KALRN: variants seen among roughly 807,000 people sequenced by gnomAD.
The protein encoded by KALRN is kalirin.
A neutral mutation model predicts 353.7 loss-of-function variants in KALRN; 70 were observed. The ratio of observed to expected loss-of-function variants is 0.20; its 90% CI spans 0.16 to 0.24. KALRN has a LOEUF of 0.24. Among genes scored for constraint, KALRN ranks in the 10% least tolerant of loss-of-function variants. The probability of loss-of-function intolerance (pLI) is 1.00; values close to 1 mark genes in which losing one functional copy is unlikely to be tolerated. For missense variants in KALRN, 2,791 were observed against 3,756.7 expected, an observed-to-expected ratio of 0.74 and a Z score of 6.72; for synonymous variants, 1,391 against 1,434.8, an observed-to-expected ratio of 0.97 and a Z score of 0.69.
chr3:124,053,948 G>T (rs1387372854), intron 1 of KALRN, among the ~76,000 whole-genome samples: 2 of 152,322 alleles, frequency 1.3e-5, no homozygotes, highest in Admixed American at 1.3e-4. Flanking sequence ...AACAGTGTCT[G>T]CCATGTGCAA....
intron 34 of KALRN, among the ~76,000 whole-genome samples, chr3:124,616,731 C>T (rs371734010): frequency 9.9e-5 from 15 of 152,082 alleles, no homozygotes; most frequent in Admixed American, 4.6e-4. Flanking sequence ...TTTGGGAGTC[C>T]GAGGTGGGCG....
chr3:124,660,342 CT>C (rs1164006528), intron 43 of KALRN, among the ~76,000 whole-genome samples: 1 of 152,122 alleles, frequency 6.6e-6, no homozygotes, highest in Non-Finnish European at 1.5e-5. Flanking sequence ...CATAATCCCC[CT>C]TTCCTTTGTC....
intron 1 of KALRN, chr3:124,164,538 A>G (rs1350660253): frequency 1.3e-5 from 2 of 152,234 alleles, no homozygotes; most frequent in African/African-American, 2.4e-5. Context: ...TTATGCACCT[A>G]TAGAAAACTT....
chr3:124,195,084 G>T (rs537861321), intron 1 of KALRN, among the ~76,000 whole-genome samples: 1 of 152,318 alleles, frequency 6.6e-6, no homozygotes, highest in South Asian at 2.1e-4. Flanking sequence ...TGTTTGCAAA[G>T]TTGGCTTATT....
In KALRN at chr3:124,432,254, C is replaced by CA. The variant is rs3836299; in HGVS notation, c.2829+1489dup. 1.8e-3 allele frequency among the ~76,000 whole-genome samples: 271 copies of CA among 147,086 alleles called. 3 individuals are homozygous for CA. The highest frequency in any genetic ancestry group is 6.1e-3 in the African/African-American group (246 of 40,260). ...TGAAACCCCATCTCTACTGAAAATACAAAAAAAAAAGTAGCCAGGCATGGT... is the reference window on the plus strand; with the variant it reads ...TGAAACCCCATCTCTACTGAAAATACAAAAAAAAAAAGTAGCCAGGCATGGT... On this transcript the variant is annotated intron_variant, in intron 16 of 59. Coordinates refer to ENST00000682506, the MANE Select transcript of KALRN (RefSeq NM_001388419.1).
At chr3:124,335,095 AT>A (rs2080997468) in intron 9 of KALRN, among the ~76,000 whole-genome samples, 1 of 151,974 alleles carries the variant, frequency 6.6e-6, no homozygotes, top group African/African-American at 2.4e-5. Context: ...AATATGGCAC[AT>A]TTTTCTTTTG....
intron 10 of KALRN, 121 bp downstream of exon 10, chr3:124,347,386 T>TGTGTGTGG (rs1383084290): frequency 7.4e-7 from 1 of 1,350,096 alleles, no homozygotes; most frequent in Non-Finnish European, 9.9e-7. Flanking sequence ...TGTGTGTGTG[T>TGTGTGTGG]GTGTGTGTGT....
intron 1 of KALRN, chr3:124,163,809 TC>T: frequency 1.0e-6 from 1 of 985,500 alleles, no homozygotes; most frequent in Non-Finnish European, 1.2e-6. Flanking sequence ...GTCATCTTGC[TC>T]CTGGGCCACC....
chr3:124,188,440 G>T (rs189807633), intron 1 of KALRN, among the ~76,000 whole-genome samples: 6 of 152,290 alleles, frequency 3.9e-5, no homozygotes, highest in Middle Eastern at 3.4e-3. Context: ...AGCAAAAGCT[G>T]CTATCATTAA....
intron 1 of KALRN, among the ~76,000 whole-genome samples, chr3:124,084,893 G>T (rs1305287473): frequency 6.6e-6 from 1 of 152,198 alleles, no homozygotes; most frequent in Admixed American, 6.5e-5. Flanking sequence ...CAGATGTTCA[G>T]AGTCTTCCAT....
intron 57 of KALRN, among the ~76,000 whole-genome samples, chr3:124,706,077 T>G (rs2062599498): frequency 6.6e-6 from 1 of 152,114 alleles, no homozygotes; most frequent in Non-Finnish European, 1.5e-5. Flanking sequence ...CAGCTAACTT[T>G]TTAATTTTTC....
At chr3:124,088,997 G>C (rs1323492544) in intron 1 of KALRN, among the ~76,000 whole-genome samples, 2 of 151,578 alleles carry the variant, frequency 1.3e-5, no homozygotes, top group Non-Finnish European at 2.9e-5. Context: ...TTTAACAGTG[G>C]GTGGCCCTGT....
At chr3:124,464,163 A>C (rs1177926309) in intron 25 of KALRN, among the ~76,000 whole-genome samples, 2 of 152,188 alleles carry the variant, frequency 1.3e-5, no homozygotes, top group Non-Finnish European at 2.9e-5. Context: ...TCGGACTGGC[A>C]AACGGTAAGT....
At chr3:124,229,509 C>A (rs979889609) in intron 2 of KALRN, among the ~76,000 whole-genome samples, 3 of 152,358 alleles carry the variant, frequency 2.0e-5, no homozygotes, top group Admixed American at 2.0e-4. Flanking sequence ...CAAGGAGTAG[C>A]AGTGGAGTCA....
chr3:124,455,561 TTAG>T (rs1473753615), intron 22 of KALRN, among the ~76,000 whole-genome samples: 1 of 152,192 alleles, frequency 6.6e-6, no homozygotes, highest in African/African-American at 2.4e-5. Flanking sequence ...TCCCCTGTGA[TTAG>T]TACTCTATAC....
intron 1 of KALRN, among the ~76,000 whole-genome samples, chr3:124,048,226 C>T (rs1015058430): frequency 1.3e-5 from 2 of 152,132 alleles, no homozygotes; most frequent in Non-Finnish European, 2.9e-5. Flanking sequence ...GGTATTGACA[C>T]TGTTGTAAAA....
intron 34 of KALRN, among the ~76,000 whole-genome samples, chr3:124,604,533 A>C (rs1177572526): frequency 6.6e-6 from 1 of 152,190 alleles, no homozygotes; most frequent in Non-Finnish European, 1.5e-5. Context: ...AAGCCCTATA[A>C]ATATTTTTAT....
intron 13 of KALRN, among the ~76,000 whole-genome samples, chr3:124,411,433 C>CTTTTTTTCTT (rs2092142621): frequency 1.9e-5 from 1 of 51,480 alleles, no homozygotes; most frequent in Non-Finnish European, 3.8e-5. Context: ...TTAAATTATG[C>CTTTTTTTCTT]TTTTTTTTTT....
intron 10 of KALRN, among the ~76,000 whole-genome samples, chr3:124,362,434 G>A (rs1461475276): frequency 6.6e-6 from 1 of 152,242 alleles, no homozygotes; most frequent in East Asian, 1.9e-4. Flanking sequence ...GCCTCCTGCA[G>A]ATACCAGGGG....
Sources: gnomAD v4.1 joint callset for allele counts (sites outside exome capture counted in the v4.1 genomes callset) on GRCh38, gnomAD v4.1.1 for gene constraint, MANE v1.5 for transcripts, NCBI Gene and HGNC (gene_info 2026-07-23, HGNC 2026-07-21) for gene names.